Variants in SH3GL1 observed in about 807,000 individuals in gnomAD.
The protein encoded by SH3GL1 is endophilin-A2.
In SH3GL1, 21 loss-of-function variants were observed where a neutral mutation model predicts 48.8. That is an observed-to-expected ratio of 0.43 (90% CI 0.30 to 0.62). The LOEUF is 0.62. SH3GL1 is among the 20% of genes least tolerant of loss of function. SH3GL1 has a pLI of 0.11. For synonymous variants in SH3GL1, 282 were observed against 217.5 expected (o/e 1.30, Z -2.61); for missense variants, 454 against 503.0 (o/e 0.90, Z 0.93).
intron 1 of SH3GL1, among the ~76,000 whole-genome samples, chr19:4,382,982 A>G (rs1286728197): frequency 6.6e-6 from 1 of 151,798 alleles, no homozygotes; most frequent in Non-Finnish European, 1.5e-5. Context: ...ACAGTGGCAC[A>G]ATCTTGGCTC....
intron 2 of SH3GL1, 135 bp downstream of exon 2, chr19:4,366,791 C>T: frequency 4.1e-6 from 4 of 976,710 alleles, no homozygotes; most frequent in Non-Finnish European, 6.6e-6. Context: ...CCCCACACCA[C>T]CCCATCTCTC....
chr19:4,374,390 C>T (rs35188480), intron 1 of SH3GL1, among the ~76,000 whole-genome samples: 2,116 of 152,298 alleles, frequency 0.014, 144 homozygotes, highest in Admixed American at 0.11. Context: ...CCGGAGGCTC[C>T]GTGAGGGCAG....
Position 4,389,698 on chromosome 19 carries a change from C to T in SH3GL1, c.45+10626G>A, listed in dbSNP as rs768277472. Among the ~76,000 whole-genome samples the T allele has an allele frequency of 3.3e-4, 50 of 152,194 alleles. 1 individual carries two copies. Among genetic ancestry groups the T allele is most frequent in the Admixed American group, 1.3e-4 (2 of 15,288 alleles). On this transcript the variant is annotated intron_variant, in intron 1 of 9. Transcript: ENST00000269886. This position sits in a 1 kb window ranked among gnomAD's most constrained non-coding sequence, Gnocchi z 4.5. ...AGGGTGGGGGCCACGGTGGCCCATC[C>T]GTCCTTCCATGTGATATTTACCGGC...
intron 1 of SH3GL1, among the ~76,000 whole-genome samples, chr19:4,396,854 C>T (rs1973435075): frequency 6.6e-6 from 1 of 152,110 alleles, no homozygotes; most frequent in Admixed American, 6.6e-5. Flanking sequence ...TGTCAATGTC[C>T]CCTGGAGGAC....
At chr19:4,377,968 G>A (rs151009322) in intron 1 of SH3GL1, among the ~76,000 whole-genome samples, 70 of 152,270 alleles carry the variant, frequency 4.6e-4, no homozygotes, top group African/African-American at 1.4e-3. Flanking sequence ...CTTCTGCCCC[G>A]CTGTGGCTCA....
In SH3GL1 at chr19:4,400,455, C is replaced by T. The variant is rs1211529642; in HGVS notation, c.-87G>A. On this transcript the variant is annotated 5_prime_UTR_variant, in exon 1 of 10. Coordinates refer to ENST00000269886, the MANE Select transcript of SH3GL1 (RefSeq NM_003025.4). The surrounding 1 kb of genome is among the most constrained non-coding windows in gnomAD (Gnocchi z 4.1). The stretch of plus-strand genomic sequence containing the variant: ...CCGACCCTCTGCGCGCCTCAGCAGT[C>T]CCCGTCGGCGCCGCCTCCGCCACCC... 17 of 1,189,076 alleles carry T rather than the reference C, an allele frequency of 1.4e-5. No homozygotes were observed. Among genetic ancestry groups the T allele is most frequent in the South Asian group, 3.2e-5 (1 of 30,894 alleles). 73.7% of individuals were successfully genotyped at this position (1,189,076 alleles called of 1,614,324 possible).
At chr19:4,393,092 C>G (rs902793418) in intron 1 of SH3GL1, among the ~76,000 whole-genome samples, 1 of 151,432 alleles carries the variant, frequency 6.6e-6, no homozygotes, top group African/African-American at 2.4e-5. Context: ...AAAACCTCAT[C>G]TCTACTAAAG....
chr19:4,365,497 C>T lies in SH3GL1; in HGVS notation c.316G>A (p.Gly106Ser), dbSNP rs539292999. ...CACCACTCACCAAAGTTGGACTCGC[C>T]GCCCAGCTCCTTCCCGTGGCGGATC... The part of the protein sequence containing the change: ...CMIRHGKELG[G>S]ESNFGDALLD... Residue 106 changes from glycine to serine, a missense_variant, in exon 4 of 10, where the codon GGC becomes AGC. Physicochemically the swap from Gly to Ser is moderately conservative, Grantham distance 56. Coordinates refer to ENST00000269886, the MANE Select transcript of SH3GL1 (RefSeq NM_003025.4). The T allele has an allele frequency of 5.3e-5, 86 of 1,613,798 alleles. No homozygotes were observed. In the East Asian group the frequency reaches 1.0e-3, roughly 19 times the overall value.
Position 4,400,441 on chromosome 19 carries a change from C to T in SH3GL1, c.-73G>A, listed in dbSNP as rs553204947. ...GCTCCCGGGCGCCGCCGACCCTCTG[C>T]GCGCCTCAGCAGTCCCCGTCGGCGC... On this transcript the variant is annotated 5_prime_UTR_variant, in exon 1 of 10. Coordinates refer to ENST00000269886, the MANE Select transcript of SH3GL1 (RefSeq NM_003025.4). The surrounding 1 kb of genome is among the most constrained non-coding windows in gnomAD (Gnocchi z 4.1). The T allele has an allele frequency of 2.7e-5, 38 of 1,411,092 alleles. 1 individual carries two copies. The highest frequency in any genetic ancestry group is 2.4e-4 in the East Asian group (8 of 32,986). 87.4% of individuals were successfully genotyped at this position (1,411,092 alleles called of 1,614,324 possible).
At chr19:4,371,317 C>G (rs571971252) in intron 1 of SH3GL1, among the ~76,000 whole-genome samples, 1 of 152,220 alleles carries the variant, frequency 6.6e-6, no homozygotes, top group East Asian at 1.9e-4. Context: ...CAGGTTTTAC[C>G]CAGAGGGGTG....
rs1404785187 is a variant in SH3GL1, at chr19:4,367,812, C to T, written c.46-818G>A. On this transcript the variant is annotated intron_variant, in intron 1 of 9. Transcript: ENST00000269886. The surrounding 1 kb of genome is among the most constrained non-coding windows in gnomAD (Gnocchi z 4.2). ...GGCGGGAACCACTGAACCCCAGCAC[C>T]GCTGTCTGAGCACAGGCGTTGCTTT... Among the ~76,000 whole-genome samples, 3 of 152,256 alleles carry T rather than the reference C, an allele frequency of 2.0e-5. No homozygotes were observed. The highest frequency in any genetic ancestry group is 2.9e-5 in the Non-Finnish European group (2 of 68,048).
intron 4 of SH3GL1, among the ~76,000 whole-genome samples, chr19:4,364,860 G>A (rs1040290879): frequency 1.0e-4 from 14 of 134,198 alleles, no homozygotes; most frequent in South Asian, 2.6e-4. Context: ...TACCACACCC[G>A]GCTAATTGTG....
chr19:4,390,387 AG>A (rs1973314497), intron 1 of SH3GL1: 1 of 152,724 alleles, frequency 6.5e-6, no homozygotes, highest in African/African-American at 2.4e-5. Context: ...AGAGAGAGAC[AG>A]GCAGGCAGAC....
chr19:4,395,349 G>C (rs1973406744), intron 1 of SH3GL1, among the ~76,000 whole-genome samples: 1 of 152,162 alleles, frequency 6.6e-6, no homozygotes, highest in South Asian at 2.1e-4. Context: ...TTTGAGGCCA[G>C]CAGTGAAAGT....
Position 4,364,361 on chromosome 19 carries a change from CTG to C in SH3GL1, c.332-142_332-141del. The C allele has an allele frequency of 4.5e-6, 5 of 1,122,866 alleles. No individual in the cohort carries two copies. In the South Asian group the frequency reaches 7.1e-5, roughly 16 times the overall value. 69.6% of individuals were successfully genotyped at this position (1,122,866 alleles called of 1,614,324 possible). On this transcript the variant is annotated intron_variant, in intron 4 of 9. Transcript: ENST00000269886. ...GTACCAGCTCACTGCAGGCCTCAAA[CTG>C]GGCTCAAGCCATGCTGGCACCTCAG...
chr19:4,396,085 G>A (rs1457684025), intron 1 of SH3GL1: 1 of 152,062 alleles, frequency 6.6e-6, no homozygotes, highest in Non-Finnish European at 1.5e-5. Context: ...GGGTCTGGAT[G>A]CTGAGTTTTA....
At position 4,382,586 on chromosome 19, in the gene SH3GL1, ATGGGAC is replaced by A. The variant is rs555246759; in HGVS notation, c.46-15598_46-15593del. The stretch of plus-strand genomic sequence containing the variant: ...TGCTCCGCTTTCTGAGGGCCTTCTG[ATGGGAC>A]TGGGCCCTTGTGGATAAGCCAGGAT... On this transcript the variant is annotated intron_variant, in intron 1 of 9. Transcript: ENST00000269886. 2.6e-5 allele frequency among the ~76,000 whole-genome samples: 4 copies of A among 152,128 alleles called. No individual in the cohort carries two copies. In the South Asian group the frequency reaches 8.3e-4, roughly 32 times the overall value.
At chr19:4,386,636 C>A (rs924628880) in intron 1 of SH3GL1, among the ~76,000 whole-genome samples, 1 of 151,772 alleles carries the variant, frequency 6.6e-6, no homozygotes, top group Non-Finnish European at 1.5e-5. Context: ...CCGTGCCCAA[C>A]AATGTTTGGG....
At chr19:4,365,367 G>T (rs1366380574) in intron 4 of SH3GL1, 115 bp downstream of exon 4, 7 of 1,387,108 alleles carry the variant, frequency 5.0e-6, no homozygotes, top group East Asian at 2.3e-5. Context: ...GGAAAGCTGT[G>T]GGGGCCACTG....
Sources: allele counts gnomAD v4.1 joint callset (sites outside exome capture counted in the v4.1 genomes callset), GRCh38; gene constraint gnomAD v4.1.1; non-coding constraint Gnocchi (gnomAD v3.1); transcripts MANE v1.5; gene names NCBI Gene and HGNC (gene_info 2026-07-23, HGNC 2026-07-21).